The following TP73 variants were observed in gnomAD, a reference collection of about 807,000 sequenced individuals.
TP73 encodes p53-like transcription factor.
In TP73, 25 loss-of-function variants were observed where a neutral mutation model predicts 62.5. That is an observed-to-expected ratio of 0.40 (90% CI 0.29 to 0.56). The LOEUF is 0.56. Among genes scored for constraint, TP73 ranks in the 20% least tolerant of loss-of-function variants. The probability of loss-of-function intolerance (pLI) is 0.46; values close to 1 mark genes in which losing one functional copy is unlikely to be tolerated. For missense variants in TP73, 754 were observed against 913.3 expected (o/e 0.83, Z 2.25); for synonymous variants, 423 against 377.5 (o/e 1.12, Z -1.40).
intron 4 of TP73, among the ~76,000 whole-genome samples, chr1:3,710,447 G>T (rs997503121): frequency 6.6e-6 from 1 of 152,172 alleles, no homozygotes; most frequent in Non-Finnish European, 1.5e-5. Flanking sequence ...TCCCAGCTCT[G>T]GGGTCCCACC....
At chr1:3,721,231 G>C (rs1006366904) in intron 4 of TP73, among the ~76,000 whole-genome samples, 12 of 152,250 alleles carry the variant, frequency 7.9e-5, no homozygotes, top group African/African-American at 2.9e-4. Flanking sequence ...GAAGCTGGAG[G>C]CCTCTGCAGG....
At position 3,683,242 on chromosome 1, in the gene TP73, C is replaced by T. The variant is rs1480440219; in HGVS notation, c.186+62C>T. 3.3e-6 allele frequency: 5 copies of T among 1,535,500 alleles called. No homozygotes were observed. The Admixed American group carries it at 8.9e-5, about 27-fold the overall frequency. Reference sequence around the variant, plus strand: ...GTGGGGACAACAAATGTGGCCTGTCCTGTCTTGGGAGCCTGGCAGAACCAG... The same window carrying T: ...GTGGGGACAACAAATGTGGCCTGTCTTGTCTTGGGAGCCTGGCAGAACCAG... On this transcript the variant is annotated intron_variant, in intron 3 of 13. Coordinates refer to ENST00000378295, the MANE Select transcript of TP73 (RefSeq NM_005427.4).
rs1254514113 is a variant in TP73, at chr1:3,663,652, C to A, written c.-34+11011C>A. On this transcript the variant is annotated intron_variant, in intron 1 of 13. Transcript: ENST00000378295. This position sits in a 1 kb window ranked among gnomAD's most constrained non-coding sequence, Gnocchi z 4.7. ...AATGGCGTGAACCAGGAAGGTGGAG[C>A]TTGCAGTGAGCCAAGATCGTGCAAC... Among the ~76,000 whole-genome samples, 1 of 150,306 alleles carries A rather than the reference C, an allele frequency of 6.7e-6. No individual in the cohort carries two copies. The highest frequency in any genetic ancestry group is 1.5e-5 in the Non-Finnish European group (1 of 67,796).
chr1:3,703,421 G>A (rs1018267782), intron 3 of TP73, among the ~76,000 whole-genome samples: 39 of 152,284 alleles, frequency 2.6e-4, no homozygotes, highest in African/African-American at 6.5e-4. Context: ...CTGGGGCCCT[G>A]GGCCACAGAG....
chr1:3,706,275 G>T (rs1233829486), intron 3 of TP73, among the ~76,000 whole-genome samples: 1 of 152,158 alleles, frequency 6.6e-6, no homozygotes, highest in East Asian at 1.9e-4. Context: ...CAGCCCCATA[G>T]CTCAGTTTCC....
In TP73 at chr1:3,731,323, C is replaced by T. The variant is rs535595129; in HGVS notation, c.1485-140C>T. On this transcript the variant is annotated intron_variant, in intron 12 of 13. Transcript: ENST00000378295. Reference sequence around the variant, plus strand: ...AGCACGTCCCCTCCCTGAGGGATGCCGTGGCCACCTGTGGGCTGGAGCCAC... The same window carrying T: ...AGCACGTCCCCTCCCTGAGGGATGCTGTGGCCACCTGTGGGCTGGAGCCAC... 3.5e-5 allele frequency: 34 copies of T among 973,092 alleles called. No individual in the cohort carries two copies. In the South Asian group the frequency reaches 4.0e-4, roughly 11 times the overall value. The allele number at this position is 973,092 out of a possible 1,614,324, so 60.3% of individuals were successfully genotyped here.
At chr1:3,709,662 G>A (rs1441783071) in intron 4 of TP73, among the ~76,000 whole-genome samples, 1 of 152,222 alleles carries the variant, frequency 6.6e-6, no homozygotes, top group Non-Finnish European at 1.5e-5. Flanking sequence ...CCAGCAGCAG[G>A]AGCCTCACCA....
At chr1:3,711,044 G>A (rs956461983) in intron 4 of TP73, among the ~76,000 whole-genome samples, 2 of 152,256 alleles carry the variant, frequency 1.3e-5, no homozygotes, top group Non-Finnish European at 2.9e-5. Flanking sequence ...TGAGAGGGGT[G>A]GAGCTGGCGT....
At chr1:3,721,985 C>T (rs1641109061) in intron 4 of TP73, 36 bp from the exon 5 acceptor site, 1 of 1,564,650 alleles carries the variant, frequency 6.4e-7, no homozygotes, top group African/African-American at 1.4e-5. Flanking sequence ...GCAGTTGGGA[C>T]CACTGGTCTC....
chr1:3,724,464 C>T (rs1641344862), intron 6 of TP73, among the ~76,000 whole-genome samples: 2 of 152,116 alleles, frequency 1.3e-5, no homozygotes, highest in Non-Finnish European at 2.9e-5. Context: ...CCTTCGACGT[C>T]CCCATCCCAC....
intron 3 of TP73, among the ~76,000 whole-genome samples, chr1:3,695,425 C>G (rs1308357650): frequency 6.6e-6 from 1 of 152,226 alleles, no homozygotes; most frequent in Admixed American, 6.5e-5. Context: ...TGGAGCCTGT[C>G]TCGCCGCAGG....
intron 1 of TP73, among the ~76,000 whole-genome samples, chr1:3,669,018 G>A (rs3765694): frequency 0.34 from 51,746 of 152,186 alleles, 10,661 homozygotes; most frequent in Non-Finnish European, 0.47. Context: ...GCTCCAGGCC[G>A]GCCACGCTGC....
chr1:3,718,540 G>T (rs1640802720), intron 4 of TP73, among the ~76,000 whole-genome samples: 1 of 152,014 alleles, frequency 6.6e-6, no homozygotes, highest in Admixed American at 6.5e-5. Flanking sequence ...TATGGCCGGG[G>T]GTGCTGGGGC....
intron 3 of TP73, among the ~76,000 whole-genome samples, chr1:3,688,354 TGCCATGAGTTTG>T (rs1198700809): frequency 6.6e-6 from 1 of 152,160 alleles, no homozygotes; most frequent in Non-Finnish European, 1.5e-5. Flanking sequence ...AGGGACCCTG[TGCCATGAGTTTG>T]GCCTTGAACT....
chr1:3,689,545 G>A (rs1271154780), intron 3 of TP73, among the ~76,000 whole-genome samples: 1 of 152,084 alleles, frequency 6.6e-6, no homozygotes. Flanking sequence ...TCAGGCAGCT[G>A]CAGTCCAAAC....
chr1:3,727,473 C>T (rs913156241), intron 7 of TP73, 155 bp from the exon 8 acceptor site: 2 of 1,162,786 alleles, frequency 1.7e-6, no homozygotes, highest in Non-Finnish European at 2.4e-6. Context: ...CCTCTGACTC[C>T]CTCTAGCGGG....
At chr1:3,657,469 T>G (rs1284032393) in intron 1 of TP73, among the ~76,000 whole-genome samples, 1 of 152,214 alleles carries the variant, frequency 6.6e-6, no homozygotes, top group Non-Finnish European at 1.5e-5. Flanking sequence ...GACCCTTACC[T>G]AAGTGGCATC....
At chr1:3,703,779 C>A (rs1255078203) in intron 3 of TP73, among the ~76,000 whole-genome samples, 1 of 152,232 alleles carries the variant, frequency 6.6e-6, no homozygotes, top group African/African-American at 2.4e-5. Flanking sequence ...CCTGCCCTTG[C>A]CTGTCATCCT....
At chr1:3,731,187 A>G in intron 12 of TP73, 122 bp downstream of exon 12, 1 of 1,395,424 alleles carries the variant, frequency 7.2e-7, no homozygotes, top group Non-Finnish European at 9.6e-7. Context: ...CCTGGATCAG[A>G]CAGGCGGGCG....
Sources: gnomAD v4.1 joint callset for allele counts (sites outside exome capture counted in the v4.1 genomes callset) on GRCh38, gnomAD v4.1.1 for gene constraint, Gnocchi (gnomAD v3.1) non-coding constraint, MANE v1.5 for transcripts, NCBI Gene and HGNC (gene_info 2026-07-23, HGNC 2026-07-21) for gene names.